Variants in ENDOD1 observed in about 807,000 individuals in gnomAD.
The protein encoded by ENDOD1 is endonuclease domain-containing 1 protein.
ENDOD1 carries 9 observed loss-of-function variants against 6.5 expected under a neutral mutation model. That is an observed-to-expected ratio of 1.39 (90% CI 0.84 to 2.43). The LOEUF is 2.43. Among genes scored for constraint, ENDOD1 ranks in the 30% most tolerant of loss-of-function variants. The pLI is 0.00. For synonymous variants in ENDOD1, 255 were observed against 255.2 expected, an observed-to-expected ratio of 1.00 and a Z score of 0.01; for missense variants, 648 against 635.5, an observed-to-expected ratio of 1.02 and a Z score of -0.21.
At chr11:95,121,374 C>T (rs780684721) in intron 1 of ENDOD1, among the ~76,000 whole-genome samples, 30 of 152,208 alleles carry the variant, frequency 2.0e-4, no homozygotes, top group Non-Finnish European at 3.8e-4. Context: ...ATAGTTAGCT[C>T]AGCCCCTTCC....
intron 1 of ENDOD1, 138 bp downstream of exon 1, chr11:95,090,365 G>A (rs1858917594): frequency 3.3e-6 from 4 of 1,195,076 alleles, no homozygotes; most frequent in Non-Finnish European, 4.3e-6. Context: ...CAAGAAACCC[G>A]GGTTCCAGGT....
At chr11:95,112,853 T>C (rs1555112085) in intron 1 of ENDOD1, among the ~76,000 whole-genome samples, 1 of 152,230 alleles carries the variant, frequency 6.6e-6, no homozygotes, top group East Asian at 1.9e-4. Context: ...TAAGTTTGTA[T>C]GTATCTGCCT....
At chr11:95,114,577 G>A (rs1360055929) in intron 1 of ENDOD1, among the ~76,000 whole-genome samples, 3 of 152,232 alleles carry the variant, frequency 2.0e-5, no homozygotes, top group African/African-American at 7.2e-5. Flanking sequence ...TTTGCCCAGA[G>A]CAGTGTCCTA....
chr11:95,091,565 A>C (rs959535554), intron 1 of ENDOD1, among the ~76,000 whole-genome samples: 1 of 152,198 alleles, frequency 6.6e-6, no homozygotes, highest in Non-Finnish European at 1.5e-5. Flanking sequence ...CTCATCTTGC[A>C]TTGTGATTGT....
intron 1 of ENDOD1, among the ~76,000 whole-genome samples, chr11:95,117,644 T>C (rs1859224115): frequency 6.6e-6 from 1 of 152,206 alleles, no homozygotes; most frequent in Admixed American, 6.5e-5. Context: ...TTTCAGTCTA[T>C]GTGTGTCTTT....
intron 1 of ENDOD1, among the ~76,000 whole-genome samples, chr11:95,124,607 C>T (rs1234354252): frequency 2.0e-5 from 3 of 152,200 alleles, no homozygotes; most frequent in African/African-American, 7.2e-5. Context: ...AGGCCCAGGG[C>T]AGGGGGGTGC....
rs923134732 is a variant in ENDOD1, at chr11:95,128,710, A to G, written c.634A>G (p.Lys212Glu). 1.2e-6 allele frequency: 2 copies of G among 1,614,086 alleles called. No homozygotes were observed. Among genetic ancestry groups the G allele is most frequent in the Non-Finnish European group, 1.7e-6 (2 of 1,180,044 alleles). The change falls in exon 2 of 2, where the codon AAA becomes GAA. Residue 212 changes from lysine (K) to glutamate (E), a missense_variant. Transcript: ENST00000278505. ...TVPSDYRVKD[K>E]VAVPEFVWLA... ...GCCCTCAGACTACAGAGTTAAAGAC[A>G]AAGTGGCAGTCCCTGAGTTTGTTTG...
rs557331152 is a variant in ENDOD1 at position 95,132,589 on chromosome 11, C to G, written c.*3010C>G. 6.6e-6 allele frequency: 1 copy of G among 152,324 alleles called. No individual in the cohort carries two copies. The highest frequency in any genetic ancestry group is 2.1e-4 in the South Asian group (1 of 4,820). The allele number at this position is 152,324 out of a possible 1,614,324, so 9.4% of individuals were successfully genotyped here. ...GTGACAAAACTCAATTTGACATTTT[C>G]AAGCTATGTACAATGATGTGCACCT... On this transcript the variant is annotated 3_prime_UTR_variant, in exon 2 of 2. Transcript: ENST00000278505.
intron 1 of ENDOD1, among the ~76,000 whole-genome samples, chr11:95,094,403 A>T (rs1858964200): frequency 6.6e-6 from 1 of 152,072 alleles, no homozygotes; most frequent in Non-Finnish European, 1.5e-5. Flanking sequence ...TCTAATTTTC[A>T]TCTTTTATGT....
At chr11:95,101,202 A>G (rs1382611276) in intron 1 of ENDOD1, among the ~76,000 whole-genome samples, 3 of 152,222 alleles carry the variant, frequency 2.0e-5, no homozygotes, top group East Asian at 1.9e-4. Flanking sequence ...ACAGCCACAG[A>G]CAATACATAA....
intron 1 of ENDOD1, among the ~76,000 whole-genome samples, chr11:95,105,748 T>C (rs1859083469): frequency 6.6e-6 from 1 of 152,230 alleles, no homozygotes; most frequent in Non-Finnish European, 1.5e-5. Context: ...AAGGACAAGA[T>C]CTCATTCCTT....
intron 1 of ENDOD1, among the ~76,000 whole-genome samples, chr11:95,098,862 C>T (rs2134162648): frequency 6.6e-6 from 1 of 152,304 alleles, no homozygotes; most frequent in South Asian, 2.1e-4. Flanking sequence ...AGCTGTCTGA[C>T]ACCAGAGCAC....
At chr11:95,110,529 GGGT>G (rs1859137679) in intron 1 of ENDOD1, among the ~76,000 whole-genome samples, 1 of 151,866 alleles carries the variant, frequency 6.6e-6, no homozygotes, top group Non-Finnish European at 1.5e-5. Context: ...CTGGTACACT[GGGT>G]TCCCTTCTCT....
intron 1 of ENDOD1, among the ~76,000 whole-genome samples, chr11:95,099,988 G>A (rs1555110686): frequency 6.6e-6 from 1 of 152,182 alleles, no homozygotes; most frequent in African/African-American, 2.4e-5. Context: ...GGGACACGCA[G>A]AAACACAGGG....
rs754043292 is a variant in ENDOD1 at position 95,129,819 on chromosome 11, A to G, written c.*240A>G. The G allele has an allele frequency of 5.2e-5, 25 of 484,928 alleles. No homozygotes were observed. The highest frequency in any genetic ancestry group is 8.5e-5 in the Non-Finnish European group (23 of 270,254). 30.0% of individuals were successfully genotyped at this position (484,928 alleles called of 1,614,324 possible). A position where few individuals can be genotyped will look rare whatever the true frequency, so the allele number is the denominator to read the frequency against. ...AGTTATATGTGCAAACTCCCAAGCC[A>G]CTAATAACTTCAGTTATGCACTCTA... On this transcript the variant is annotated 3_prime_UTR_variant, in exon 2 of 2. Transcript: ENST00000278505.
chr11:95,116,565 GA>G (rs758457406), intron 1 of ENDOD1, among the ~76,000 whole-genome samples: 3 of 152,084 alleles, frequency 2.0e-5, no homozygotes, highest in Non-Finnish European at 4.4e-5. Context: ...AGTACTTTAA[GA>G]TGCAACATTA....
chr11:95,128,198 C>T (rs1236219438), intron 1 of ENDOD1, among the ~76,000 whole-genome samples, 179 bp from the exon 2 acceptor site: 1 of 152,146 alleles, frequency 6.6e-6, no homozygotes, highest in Non-Finnish European at 1.5e-5. Context: ...CTTTGAAACA[C>T]CAGGATTTTG....
At chr11:95,100,115 T>C (rs1035007737) in intron 1 of ENDOD1, among the ~76,000 whole-genome samples, 2 of 152,174 alleles carry the variant, frequency 1.3e-5, no homozygotes, top group Non-Finnish European at 2.9e-5. Flanking sequence ...TTCATAGACA[T>C]GAGGTGTTTG....
intron 1 of ENDOD1, among the ~76,000 whole-genome samples, chr11:95,090,920 A>G (rs1305406727): frequency 2.6e-5 from 4 of 152,194 alleles, no homozygotes; most frequent in Non-Finnish European, 4.4e-5. Flanking sequence ...TAGAAACGCA[A>G]TGGGGTAGTT....
Sources: allele counts gnomAD v4.1 joint callset (sites outside exome capture counted in the v4.1 genomes callset), GRCh38; gene constraint gnomAD v4.1.1; transcripts MANE v1.5; gene names NCBI Gene and HGNC (gene_info 2026-07-23, HGNC 2026-07-21).